Variants in KAT6A observed in about 807,000 individuals in gnomAD.
The protein encoded by KAT6A is histone acetyltransferase KAT6A.
In KAT6A, 9 loss-of-function variants were observed where a neutral mutation model predicts 198.4. The ratio of observed to expected loss-of-function variants is 0.05; its 90% CI spans 0.03 to 0.08. The LOEUF (loss-of-function observed/expected upper bound fraction) is 0.08. KAT6A is among the 10% of genes least tolerant of loss of function. KAT6A has a pLI of 1.00. For synonymous variants in KAT6A, 890 were observed against 883.0 expected (o/e 1.01, Z -0.14); for missense variants, 2,077 against 2,509.9 (o/e 0.83, Z 3.69).
At chr8:42,019,119 T>C (rs1826408698) in intron 2 of KAT6A, among the ~76,000 whole-genome samples, 1 of 152,202 alleles carries the variant, frequency 6.6e-6, no homozygotes, top group African/African-American at 2.4e-5. Flanking sequence ...TTTGATCTCA[T>C]CTGTAAAAAT....
chr8:41,962,995 G>A (rs1158807848), intron 8 of KAT6A, among the ~76,000 whole-genome samples: 1 of 151,960 alleles, frequency 6.6e-6, no homozygotes, highest in Non-Finnish European at 1.5e-5. Context: ...ATTTAATACT[G>A]CATACATTAA....
intron 2 of KAT6A, among the ~76,000 whole-genome samples, chr8:42,000,777 G>C (rs984107383): frequency 2.6e-5 from 4 of 152,082 alleles, no homozygotes; most frequent in African/African-American, 9.7e-5. Context: ...TCTGCTATCA[G>C]AATCATGATG....
intron 4 of KAT6A, among the ~76,000 whole-genome samples, chr8:41,981,183 T>C (rs1322389401): frequency 6.6e-6 from 1 of 152,134 alleles, no homozygotes; most frequent in Admixed American, 6.5e-5. Context: ...ACGGGCATGG[T>C]GGCATGTGCC....
At chr8:42,003,951 G>C (rs931088224) in intron 2 of KAT6A, among the ~76,000 whole-genome samples, 1 of 152,156 alleles carries the variant, frequency 6.6e-6, no homozygotes, top group Non-Finnish European at 1.5e-5. Context: ...TTCCAGAATT[G>C]TAAGAAAACA....
chr8:41,947,948 G>A, intron 10 of KAT6A, 36 bp from the exon 11 acceptor site: 1 of 1,501,984 alleles, frequency 6.7e-7, no homozygotes, highest in Non-Finnish European at 9.0e-7. Context: ...GTCAGTAGAG[G>A]GTCTCTTTAG....
At position 41,932,433 on chromosome 8, in the gene KAT6A, C is replaced by T. The variant is rs374967735; in HGVS notation, c.5787G>A (p.Gln1929=). 8.1e-6 allele frequency: 13 copies of T among 1,614,100 alleles called. No individual in the cohort carries two copies. Among genetic ancestry groups the T allele is most frequent in the East Asian group, 4.5e-5 (2 of 44,900 alleles). ...LNAMNSYRMT[Q]PMMNSSYHSN... The stretch of plus-strand genomic sequence containing the variant: ...TATGGTAACTGCTGTTCATCATGGG[C>T]TGTGTCATTCGATAGCTGTTCATGG... The change falls in exon 17 of 17, where the codon CAG becomes CAA. Residue 1929 remains glutamine, a synonymous_variant. Transcript: ENST00000265713.
chr8:41,949,759 T>A (rs540432855), intron 9 of KAT6A, among the ~76,000 whole-genome samples: 10 of 152,304 alleles, frequency 6.6e-5, no homozygotes, highest in African/African-American at 1.9e-4. Context: ...TCTGAGAACA[T>A]CTAAAATTCT....
At chr8:42,030,113 T>C (rs1459091221) in intron 2 of KAT6A, among the ~76,000 whole-genome samples, 2 of 152,230 alleles carry the variant, frequency 1.3e-5, no homozygotes, top group South Asian at 4.2e-4. Context: ...TGTGGTCTAA[T>C]AGGGGCTGGA....
In KAT6A at chr8:41,980,947, A is replaced by T; in HGVS notation, c.826-20T>A. On this transcript the variant is annotated intron_variant, in intron 4 of 16. Transcript: ENST00000265713. ...GTTATCCTATTAGAAAAAAGAAAGG[A>T]CAGTTTTGCTTAACCTTATGAAGCA... 8 of 1,563,034 alleles carry T rather than the reference A, an allele frequency of 5.1e-6. No homozygotes were observed. The highest frequency in any genetic ancestry group is 7.0e-6 in the Non-Finnish European group (8 of 1,136,310).
chr8:42,030,304 C>T (rs1564076599), intron 2 of KAT6A, among the ~76,000 whole-genome samples: 1 of 152,180 alleles, frequency 6.6e-6, no homozygotes. Context: ...ACCTGTTCTC[C>T]ACACTGGGGA....
chr8:41,967,273 A>T (rs536799581), intron 8 of KAT6A, among the ~76,000 whole-genome samples: 3 of 54,852 alleles, frequency 5.5e-5, no homozygotes, highest in African/African-American at 2.9e-4. Flanking sequence ...TTAAAAAAAA[A>T]AATTTATTTA....
At chr8:41,979,737 A>C (rs555750006) in intron 5 of KAT6A, among the ~76,000 whole-genome samples, 14 of 152,360 alleles carry the variant, frequency 9.2e-5, no homozygotes, top group Middle Eastern at 3.4e-3. Flanking sequence ...GCGGTGGCTC[A>C]TGCCTGTAAT....
At chr8:42,010,400 A>G (rs1825968570) in intron 2 of KAT6A, among the ~76,000 whole-genome samples, 1 of 152,224 alleles carries the variant, frequency 6.6e-6, no homozygotes, top group South Asian at 2.1e-4. Context: ...CCTATGAGAA[A>G]GTAGAAATTG....
intron 1 of KAT6A, among the ~76,000 whole-genome samples, chr8:42,051,646 G>C (rs1213144861): frequency 6.9e-6 from 1 of 145,518 alleles, no homozygotes; most frequent in Non-Finnish European, 1.5e-5. Context: ...GGGCCGGGCG[G>C]CGGCGCGCGG....
chr8:41,934,921 GTTCC>G (rs1821777399), intron 16 of KAT6A, 54 bp from the exon 17 acceptor site: 5 of 1,392,588 alleles, frequency 3.6e-6, no homozygotes, highest in Middle Eastern at 1.9e-4. Context: ...ACATTTTCTA[GTTCC>G]TTCTTCCAAG....
chr8:42,015,514 C>T (rs184289418), intron 2 of KAT6A, among the ~76,000 whole-genome samples: 4 of 152,186 alleles, frequency 2.6e-5, no homozygotes, highest in Admixed American at 6.5e-5. Flanking sequence ...ACCTTCAAGG[C>T]GCTTACAAAT....
Position 41,993,567 on chromosome 8 carries a change from A to G in KAT6A, c.601-6004T>C, listed in dbSNP as rs186447546. Among the ~76,000 whole-genome samples, 20 of 152,322 alleles carry G rather than the reference A, an allele frequency of 1.3e-4. No homozygotes were observed. The East Asian group carries it at 3.9e-3, about 29-fold the overall frequency. ...AACCAAAGTGAATCCACAGAGATAT[A>G]CTATTACTGACAATGATCATGACAT... On this transcript the variant is annotated intron_variant, in intron 2 of 16. Transcript: ENST00000265713.
Position 41,933,426 on chromosome 8 carries a change from G to A in KAT6A, c.4794C>T (p.Leu1598=). The part of the protein sequence containing the change: ...SYGGLSSSSS[L]TQSSCVVTQQ... ...GAGTGACCACACAGCTGCTCTGGGTGAGGCTGCTGGAGGACGACAGCCCAC... is the reference window on the plus strand; with the variant it reads ...GAGTGACCACACAGCTGCTCTGGGTAAGGCTGCTGGAGGACGACAGCCCAC... Residue 1598 remains leucine, a synonymous_variant, in exon 17 of 17, where the codon CTC becomes CTT. Transcript: ENST00000265713. The surrounding 1 kb of genome is among the most constrained non-coding windows in gnomAD (Gnocchi z 6.2). 6.2e-7 allele frequency: 1 copy of A among 1,612,080 alleles called. No individual in the cohort carries two copies.
chr8:42,034,788 A>C (rs2150923894), intron 2 of KAT6A, among the ~76,000 whole-genome samples: 1 of 152,352 alleles, frequency 6.6e-6, no homozygotes, highest in African/African-American at 2.4e-5. Flanking sequence ...CATTGCACAA[A>C]GTTCTGTCAG....
Sources: allele counts gnomAD v4.1 joint callset (sites outside exome capture counted in the v4.1 genomes callset), GRCh38; gene constraint gnomAD v4.1.1; non-coding constraint Gnocchi (gnomAD v3.1); transcripts MANE v1.5; gene names NCBI Gene and HGNC (gene_info 2026-07-23, HGNC 2026-07-21).